The following EP400 variants were observed in gnomAD, a reference collection of about 807,000 sequenced individuals.
EP400 encodes E1A-binding protein p400.
A neutral mutation model predicts 354.1 loss-of-function variants in EP400; 105 were observed. That is an observed-to-expected ratio of 0.30 (90% CI 0.25 to 0.35). EP400 has a LOEUF of 0.35. Among genes scored for constraint, EP400 ranks in the 10% least tolerant of loss-of-function variants. The pLI is 1.00. For missense variants in EP400, 3,280 were observed against 4,121.0 expected, an observed-to-expected ratio of 0.80 and a Z score of 5.59; for synonymous variants, 1,646 against 1,716.9, an observed-to-expected ratio of 0.96 and a Z score of 1.02.
At chr12:131,989,817 T>G in intron 7 of EP400, 147 bp from the exon 8 acceptor site, 4 of 844,932 alleles carry the variant, frequency 4.7e-6, no homozygotes, top group Non-Finnish European at 7.0e-6. Flanking sequence ...ATGTTTCTCC[T>G]AATCCACCCT....
rs530632490 is a variant in EP400, at chr12:132,018,608, T to G, written c.4277+232T>G. On this transcript the variant is annotated intron_variant, in intron 21 of 52. Transcript: ENST00000389561. The surrounding 1 kb of genome is among the most constrained non-coding windows in gnomAD (Gnocchi z 4.0). ...GAGCAGCAACCTCCTTGATCGTCTT[T>G]GCAGCAGTTTTAGGGTAGGGTGGGT... is the stretch of plus-strand genomic sequence containing the variant. Among the ~76,000 whole-genome samples the G allele has an allele frequency of 1.6e-4, 25 of 152,352 alleles. No individual in the cohort carries two copies. The highest frequency in any genetic ancestry group is 4.1e-4 in the South Asian group (2 of 4,832).
chr12:132,064,487 T>A (rs1202253287), intron 47 of EP400, among the ~76,000 whole-genome samples, 181 bp from the exon 48 acceptor site: 2 of 152,248 alleles, frequency 1.3e-5, no homozygotes, highest in Non-Finnish European at 2.9e-5. Flanking sequence ...TGCACATTTT[T>A]AATAAATGAA....
intron 12 of EP400, among the ~76,000 whole-genome samples, chr12:131,998,932 G>GTCTT (rs1399058076): frequency 1.4e-5 from 2 of 144,510 alleles, no homozygotes; most frequent in African/African-American, 5.0e-5. Flanking sequence ...TGTATACAAA[G>GTCTT]TCTTTGTATA....
chr12:132,013,119 G>A lies in EP400; in HGVS notation c.3552G>A (p.Glu1184=). 1 of 1,614,188 alleles carries A rather than the reference G, an allele frequency of 6.2e-7. No homozygotes were observed. Among genetic ancestry groups the A allele is most frequent in the Non-Finnish European group, 8.5e-7 (1 of 1,180,040 alleles). The change falls in exon 17 of 53, where the codon GAG becomes GAA. Residue 1184 remains glutamate (E), a synonymous_variant. Coordinates refer to ENST00000389561, the MANE Select transcript of EP400 (RefSeq NM_015409.5). The surrounding 1 kb of genome is among the most constrained non-coding windows in gnomAD (Gnocchi z 4.5). ...GCTGGAAGTGCCTGGTCATTGATGA[G>A]ATGCAGCGCGTGAAGGGCATGACCG... is the stretch of plus-strand genomic sequence containing the variant. The part of the protein sequence containing the change: ...RVRWKCLVID[E]MQRVKGMTER...
chr12:132,013,456 A>G lies in EP400; in HGVS notation c.3612-34A>G. 1 of 1,525,300 alleles carries G rather than the reference A, an allele frequency of 6.6e-7. No individual in the cohort carries two copies. The highest frequency in any genetic ancestry group is 1.3e-5 in the South Asian group (1 of 77,028). 94.5% of individuals were successfully genotyped at this position (1,525,300 alleles called of 1,614,324 possible). A position where few individuals can be genotyped will look rare whatever the true frequency, so the allele number is the denominator to read the frequency against. ...CTGCTGCAGCCAGCCCCGTGGCTGT[A>G]GAACTCCAGTGTTGTCTCTTGTCCT... On this transcript the variant is annotated intron_variant, in intron 17 of 52. Coordinates refer to ENST00000389561, the MANE Select transcript of EP400 (RefSeq NM_015409.5). The surrounding 1 kb of genome is among the most constrained non-coding windows in gnomAD (Gnocchi z 4.5).
chr12:132,034,228 T>G (rs947658332), intron 30 of EP400, among the ~76,000 whole-genome samples: 2 of 152,208 alleles, frequency 1.3e-5, no homozygotes, highest in African/African-American at 2.4e-5. Flanking sequence ...GGAAAAGTGT[T>G]GTATTCTCAG....
rs566402617 is a variant in EP400, at chr12:132,038,163, C to G, written c.6207+67C>G. 1.3e-6 allele frequency: 2 copies of G among 1,594,148 alleles called. No individual in the cohort carries two copies. The highest frequency in any genetic ancestry group is 2.3e-5 in the South Asian group (2 of 88,380). On this transcript the variant is annotated intron_variant, in intron 32 of 52. Transcript: ENST00000389561. This position sits in a 1 kb window ranked among gnomAD's most constrained non-coding sequence, Gnocchi z 4.2. ...AGCCGGCGGAACACCTGCACCCTCC[C>G]CCAGGGTTCTGGGTGCTCAGTCCCC...
chr12:132,026,466 C>G (rs1447439475), intron 25 of EP400, among the ~76,000 whole-genome samples: 1 of 152,184 alleles, frequency 6.6e-6, no homozygotes, highest in African/African-American at 2.4e-5. Context: ...TGTTAGTTAT[C>G]AGAGGAGGCT....
rs68030464 is a variant in EP400 at position 132,062,523 on chromosome 12, G to GGCAGCAGCAGCAGCAGCA, written c.8160_8177dup (p.Gln2743_Gln2748dup). The GGCAGCAGCAGCAGCAGCA allele has an allele frequency of 6.7e-7, 1 of 1,496,988 alleles. No individual in the cohort carries two copies. Among genetic ancestry groups the GGCAGCAGCAGCAGCAGCA allele is most frequent in the Non-Finnish European group, 9.1e-7 (1 of 1,094,938 alleles). The allele number at this position is 1,496,988 out of a possible 1,614,324, so 92.7% of individuals were successfully genotyped here. ...ACACCTGCACATTTCCAGCTTCTCAGGCAGCAGCAGCAGCAGCAGCAACAA... is the reference window on the plus strand; with the variant it reads ...ACACCTGCACATTTCCAGCTTCTCAGGCAGCAGCAGCAGCAGCAGCAGCAGCAGCAGCAGCAGCAACAA... On this transcript the variant is annotated inframe_insertion, in exon 47 of 53. Transcript: ENST00000389561.
At position 131,981,527 on chromosome 12, in the gene EP400, G is replaced by A. The variant is rs151135416; in HGVS notation, c.1474G>A (p.Gly492Arg). The A allele has an allele frequency of 2.8e-5, 45 of 1,597,238 alleles. No homozygotes were observed. In the African/African-American group the frequency reaches 5.2e-4, roughly 18 times the overall value. Residue 492 changes from glycine to arginine, a missense_variant, in exon 4 of 53, where the codon GGG becomes AGG. Physicochemically the swap from Gly to Arg is moderately radical, Grantham distance 125. This residue lies in a region of EP400 where 800 missense variants were observed against 840.0 expected (regional missense o/e 0.95). Coordinates refer to ENST00000389561, the MANE Select transcript of EP400 (RefSeq NM_015409.5). ...GCCTCGCCTTGAAGTGGGTCACCAAGGGGTAGTTTTCCAGCACCCAGGGGC... is the reference window on the plus strand; with the variant it reads ...GCCTCGCCTTGAAGTGGGTCACCAAAGGGTAGTTTTCCAGCACCCAGGGGC... ...KRPRLEVGHQ[G>R]VVFQHPGADA... is the part of the protein sequence containing the mutation.
rs1895346053 is a variant in EP400 at position 132,052,804 on chromosome 12, C to A, written c.7395-342C>A. Among the ~76,000 whole-genome samples, 1 of 152,188 alleles carries A rather than the reference C, an allele frequency of 6.6e-6. No individual in the cohort carries two copies. The highest frequency in any genetic ancestry group is 2.1e-4 in the South Asian group (1 of 4,834). On this transcript the variant is annotated intron_variant, in intron 41 of 52. Coordinates refer to ENST00000389561, the MANE Select transcript of EP400 (RefSeq NM_015409.5). This position sits in a 1 kb window ranked among gnomAD's most constrained non-coding sequence, Gnocchi z 4.4. ...CCCTGGAGAGGAACTCGAGGGCATC[C>A]TCACAGAAGGAACAGACAGAGATTT... is the stretch of plus-strand genomic sequence containing the variant.
At chr12:132,041,815 T>C (rs1020623156) in intron 32 of EP400, among the ~76,000 whole-genome samples, 1 of 152,188 alleles carries the variant, frequency 6.6e-6, no homozygotes, top group East Asian at 1.9e-4. Flanking sequence ...TGTGGTTTAA[T>C]TTGTGGTTTT....
chr12:132,001,792 C>T (rs780620525), intron 12 of EP400, among the ~76,000 whole-genome samples: 1 of 152,210 alleles, frequency 6.6e-6, no homozygotes, highest in African/African-American at 2.4e-5. Flanking sequence ...GTCTCCTCAG[C>T]TCCTATCTCT....
chr12:131,950,272 G>C (rs1566154871), intron 1 of EP400, among the ~76,000 whole-genome samples: 1 of 152,056 alleles, frequency 6.6e-6, no homozygotes, highest in Non-Finnish European at 1.5e-5. Flanking sequence ...CCCGCAGGTC[G>C]CGCGATCCGC....
At chr12:131,969,127 T>G (rs1333406911) in intron 2 of EP400, among the ~76,000 whole-genome samples, 1 of 152,134 alleles carries the variant, frequency 6.6e-6, no homozygotes, top group Non-Finnish European at 1.5e-5. Context: ...GTCTTCCACC[T>G]TTAAGTAAGA....
At chr12:132,001,925 G>A (rs1475495647) in intron 12 of EP400, among the ~76,000 whole-genome samples, 1 of 152,178 alleles carries the variant, frequency 6.6e-6, no homozygotes, top group East Asian at 1.9e-4. Flanking sequence ...CTATGATCTA[G>A]ATCTAGTATA....
intron 2 of EP400, among the ~76,000 whole-genome samples, chr12:131,976,919 GC>G (rs1892496399): frequency 6.6e-6 from 1 of 152,082 alleles, no homozygotes; most frequent in African/African-American, 2.4e-5. Context: ...TCTTGTTCAA[GC>G]CAGTGAGATG....
chr12:132,066,458 G>A lies in EP400; in HGVS notation c.8554-316G>A, dbSNP rs372204798. ...TGAAAAGCCTTCTGTGGGAAAAACGGGACAGGATGCGGTTACTGGTTCAGG... is the reference window on the plus strand; with the variant it reads ...TGAAAAGCCTTCTGTGGGAAAAACGAGACAGGATGCGGTTACTGGTTCAGG... On this transcript the variant is annotated intron_variant, in intron 48 of 52. Transcript: ENST00000389561. 3.0e-5 allele frequency: 9 copies of A among 298,216 alleles called. No individual in the cohort carries two copies. The East Asian group carries it at 4.2e-4, about 14-fold the overall frequency. The allele number at this position is 298,216 out of a possible 1,614,324, so 18.5% of individuals were successfully genotyped here.
intron 45 of EP400, among the ~76,000 whole-genome samples, chr12:132,060,803 A>G (rs767426014): frequency 6.6e-6 from 1 of 151,934 alleles, no homozygotes; most frequent in Non-Finnish European, 1.5e-5. Flanking sequence ...AATGCCAGCT[A>G]TTCAGGAGGC....
Sources: gnomAD v4.1 joint callset for allele counts (sites outside exome capture counted in the v4.1 genomes callset) on GRCh38, gnomAD v4.1.1 for gene constraint, gnomAD v4.1.1 regional missense constraint, Gnocchi (gnomAD v3.1) non-coding constraint, MANE v1.5 for transcripts, NCBI Gene and HGNC (gene_info 2026-07-23, HGNC 2026-07-21) for gene names.